PIP5K1C: variants seen among roughly 807,000 people sequenced by gnomAD.
PIP5K1C encodes phosphatidylinositol 4-phosphate 5-kinase type-1 gamma.
In PIP5K1C, 45 loss-of-function variants were observed where a neutral mutation model predicts 80.1. That is an observed-to-expected ratio of 0.56 (90% confidence interval 0.44 to 0.72). The LOEUF is 0.72. PIP5K1C is among the 30% of genes least tolerant of loss of function. The pLI is 0.00. For synonymous variants in PIP5K1C, 498 were observed against 420.1 expected (o/e 1.19, Z -2.27); for missense variants, 753 against 954.6 (o/e 0.79, Z 2.78).
Position 3,649,931 on chromosome 19 carries a change from G to A in PIP5K1C, c.1128-1223C>T, listed in dbSNP as rs370381660. On this transcript the variant is annotated intron_variant, in intron 8 of 17. Coordinates refer to ENST00000335312, the MANE Select transcript of PIP5K1C (RefSeq NM_012398.3). Reference sequence around the variant, plus strand: ...GTGCAGCAGTCATCCTGAAGCCACTGGGACCCAGACCCGCTGGGCTGGCGC... The same window carrying A: ...GTGCAGCAGTCATCCTGAAGCCACTAGGACCCAGACCCGCTGGGCTGGCGC... 95 of 252,964 alleles carry A rather than the reference G, an allele frequency of 3.8e-4. 2 individuals carry two copies. The highest frequency in any genetic ancestry group is 2.7e-3 in the East Asian group (17 of 6,250). The allele number at this position is 252,964 out of a possible 1,614,324, so 15.7% of individuals were successfully genotyped here.
At chr19:3,644,869 G>A (rs1425299519) in intron 11 of PIP5K1C, among the ~76,000 whole-genome samples, 1 of 152,176 alleles carries the variant, frequency 6.6e-6, no homozygotes, top group African/African-American at 2.4e-5. Flanking sequence ...CCCCCAGAAT[G>A]ACCCACACAG....
At chr19:3,634,571 C>T (rs1027119507) in intron 16 of PIP5K1C, among the ~76,000 whole-genome samples, 1 of 152,256 alleles carries the variant, frequency 6.6e-6, no homozygotes, top group African/African-American at 2.4e-5. Context: ...CAGTCCATCA[C>T]CCCAAGACCC....
At position 3,637,106 on chromosome 19, in the gene PIP5K1C, C is replaced by T; in HGVS notation, c.1920+1778G>A. 2 of 1,310,786 alleles carry T rather than the reference C, an allele frequency of 1.5e-6. No individual in the cohort carries two copies. Among genetic ancestry groups the T allele is most frequent in the African/African-American group, 1.5e-5 (1 of 66,068 alleles). 81.2% of individuals were successfully genotyped at this position (1,310,786 alleles called of 1,614,324 possible). A position where few individuals can be genotyped will look rare whatever the true frequency, so the allele number is the denominator to read the frequency against. ...GGTTCAGAGCCCGGCCCTGCAGCCA[C>T]TCTGCTGACCTGTGCAACCTCCCCT... On this transcript the variant is annotated intron_variant, in intron 16 of 17. Transcript: ENST00000335312. This position sits in a 1 kb window ranked among gnomAD's most constrained non-coding sequence, Gnocchi z 7.0.
chr19:3,645,993 C>A lies in PIP5K1C; in HGVS notation c.1326G>T (p.Thr442=), dbSNP rs143437164. ...GCTTACAGGAGTTCTTCCGAAAGAC[C>A]GTGTTGCTCATGAACTTGAAAAAGC... is the stretch of plus-strand genomic sequence containing the variant. The part of the protein sequence containing the change: ...AERFFKFMSN[T]VFRKNSSLKS... Residue 442 remains threonine, a synonymous_variant, in exon 11 of 18, where the codon ACG becomes ACT. Coordinates refer to ENST00000335312, the MANE Select transcript of PIP5K1C (RefSeq NM_012398.3). 3 of 1,613,148 alleles carry A rather than the reference C, an allele frequency of 1.9e-6. No individual in the cohort carries two copies. Among genetic ancestry groups the A allele is most frequent in the Non-Finnish European group, 1.7e-6 (2 of 1,179,760 alleles).
chr19:3,678,830 C>A (rs1483163703), intron 1 of PIP5K1C, among the ~76,000 whole-genome samples: 1 of 69,778 alleles, frequency 1.4e-5, no homozygotes, highest in Non-Finnish European at 2.7e-5. Flanking sequence ...GAAGGGATGG[C>A]AAGATGGATG....
intron 1 of PIP5K1C, chr19:3,670,047 C>A (rs1385070714): frequency 7.4e-6 from 1 of 134,796 alleles, no homozygotes; most frequent in Admixed American, 7.6e-5. Flanking sequence ...CCAGAAGCCT[C>A]TGCAGGCGGC....
At chr19:3,666,748 C>G (rs1409518337) in intron 2 of PIP5K1C, among the ~76,000 whole-genome samples, 1 of 151,664 alleles carries the variant, frequency 6.6e-6, no homozygotes, top group Non-Finnish European at 1.5e-5. Flanking sequence ...AACATGCACA[C>G]ACACAAACGT....
At chr19:3,698,880 A>G (rs1348074565) in intron 1 of PIP5K1C, among the ~76,000 whole-genome samples, 1 of 151,164 alleles carries the variant, frequency 6.6e-6, no homozygotes, top group Non-Finnish European at 1.5e-5. Flanking sequence ...ATTTCTGTGG[A>G]TTTCAGGGAT....
chr19:3,700,248 C>T, intron 1 of PIP5K1C, 49 bp downstream of exon 1: 1 of 1,054,542 alleles, frequency 9.5e-7, no homozygotes, highest in Non-Finnish European at 1.2e-6. Flanking sequence ...CGACTCTCGG[C>T]GCTCGGACGA....
chr19:3,632,439 G>C lies in PIP5K1C; in HGVS notation c.*728C>G, dbSNP rs1266530670. ...AGCGTGGGTGGCAGCCTGGGGAAGA[G>C]GAGGCCTGGCCCTCCAGCTGTGGTG... On this transcript the variant is annotated 3_prime_UTR_variant, in exon 18 of 18. Coordinates refer to ENST00000335312, the MANE Select transcript of PIP5K1C (RefSeq NM_012398.3). The C allele has an allele frequency of 6.6e-6, 1 of 152,414 alleles. No individual in the cohort carries two copies. The highest frequency in any genetic ancestry group is 1.5e-5 in the Non-Finnish European group (1 of 68,178). 9.4% of individuals were successfully genotyped at this position (152,414 alleles called of 1,614,324 possible). A position where few individuals can be genotyped will look rare whatever the true frequency, so the allele number is the denominator to read the frequency against.
chr19:3,660,397 G>T (rs1161709595), intron 5 of PIP5K1C, among the ~76,000 whole-genome samples: 2 of 151,916 alleles, frequency 1.3e-5, no homozygotes, highest in Non-Finnish European at 2.9e-5. Flanking sequence ...AAAAAAGGGG[G>T]TGCTGGCGCT....
At chr19:3,652,067 G>C (rs561053908) in intron 7 of PIP5K1C, 36 bp from the exon 8 acceptor site, 2 of 1,601,696 alleles carry the variant, frequency 1.2e-6, no homozygotes, top group South Asian at 1.1e-5. Flanking sequence ...CACGCCGTCA[G>C]CCGTCTCTAT....
chr19:3,660,247 G>A (rs2034786720), intron 5 of PIP5K1C, among the ~76,000 whole-genome samples: 1 of 152,146 alleles, frequency 6.6e-6, no homozygotes, highest in African/African-American at 2.4e-5. Context: ...GGGCGTGGTG[G>A]CAGGCACCTG....
chr19:3,652,707 C>A (rs2034496597), intron 7 of PIP5K1C, among the ~76,000 whole-genome samples: 1 of 152,216 alleles, frequency 6.6e-6, no homozygotes, highest in Non-Finnish European at 1.5e-5. Context: ...GGGACAGGAG[C>A]CAGACCCTCA....
intron 1 of PIP5K1C, among the ~76,000 whole-genome samples, chr19:3,698,010 TCGCCAAGGA>T (rs1432294056): frequency 2.6e-5 from 4 of 152,104 alleles, no homozygotes; most frequent in African/African-American, 9.7e-5. Context: ...TCAGCCGAAA[TCGCCAAGGA>T]CGATGACACT....
At chr19:3,671,438 C>T (rs2035201227) in intron 1 of PIP5K1C, among the ~76,000 whole-genome samples, 1 of 152,234 alleles carries the variant, frequency 6.6e-6, no homozygotes, top group South Asian at 2.1e-4. Flanking sequence ...TGTGGTTCCA[C>T]GTCTTCACCT....
In PIP5K1C at chr19:3,646,019, G is replaced by A; in HGVS notation, c.1300C>T (p.Arg434Cys). ...SVHRPSFYAERFFKFMSNTVF... is the reference protein window; with the variant it reads ...SVHRPSFYAECFFKFMSNTVF... Reference sequence around the variant, plus strand: ...GTGTTGCTCATGAACTTGAAAAAGCGCTCGGCATAGAAGCTGGGGCGGTGG... The same window carrying A: ...GTGTTGCTCATGAACTTGAAAAAGCACTCGGCATAGAAGCTGGGGCGGTGG... The change falls in exon 11 of 18, where the codon CGC (arginine) becomes TGC (cysteine). Residue 434 changes from arginine to cysteine, a missense_variant. Arg to Cys is a radical substitution (Grantham distance 180, BLOSUM62 -3). Transcript: ENST00000335312. The A allele has an allele frequency of 3.1e-6, 5 of 1,613,256 alleles. No individual in the cohort carries two copies. The highest frequency in any genetic ancestry group is 1.1e-5 in the South Asian group (1 of 91,068).
At chr19:3,676,157 A>AC (rs148143992) in intron 1 of PIP5K1C, among the ~76,000 whole-genome samples, 30,289 of 152,092 alleles carry the variant, frequency 0.2, 3,263 homozygotes, top group African/African-American at 0.27. Context: ...CTCCCGCGTG[A>AC]CCGTCTCTAA....
intron 4 of PIP5K1C, 43 bp downstream of exon 4, chr19:3,661,828 G>C: frequency 6.2e-7 from 1 of 1,606,532 alleles, no homozygotes; most frequent in East Asian, 2.2e-5. Context: ...TCAGAGCCAC[G>C]TGTGTGCTGG....
Sources: gnomAD v4.1 joint callset for allele counts (sites outside exome capture counted in the v4.1 genomes callset) on GRCh38, gnomAD v4.1.1 for gene constraint, Gnocchi (gnomAD v3.1) non-coding constraint, MANE v1.5 for transcripts, NCBI Gene and HGNC (gene_info 2026-07-23, HGNC 2026-07-21) for gene names.